CDC73: variants seen among roughly 807,000 people sequenced by gnomAD.
CDC73 encodes parafibromin.
A neutral mutation model predicts 83.7 loss-of-function variants in CDC73; 21 were observed. The observed-to-expected ratio is 0.25, with a 90% CI of 0.18 to 0.36. The LOEUF (loss-of-function observed/expected upper bound fraction) is 0.36. Ranked by LOEUF, CDC73 falls within the 10% of genes least tolerant of loss-of-function variation. The probability of loss-of-function intolerance (pLI) is 1.00; values close to 1 mark genes in which losing one functional copy is unlikely to be tolerated. For missense variants in CDC73, 342 were observed against 653.3 expected (o/e 0.52, Z 5.19); for synonymous variants, 224 against 212.9 (o/e 1.05, Z -0.45).
At position 193,251,859 on chromosome 1, in the gene CDC73, T is replaced by C. The variant is rs963675077; in HGVS notation, c.*1147T>C. ...ATTTCACTTTGTTTTTTTTTTTTCC[T>C]TAAAGGCAACTAGGAAGCTTTACTT... On this transcript the variant is annotated 3_prime_UTR_variant, in exon 17 of 17. Coordinates refer to ENST00000367435, the MANE Select transcript of CDC73 (RefSeq NM_024529.5). 12 of 231,288 alleles carry C rather than the reference T, an allele frequency of 5.2e-5. No individual in the cohort carries two copies. Among genetic ancestry groups the C allele is most frequent in the Middle Eastern group, 1.3e-3 (1 of 790 alleles). 14.3% of individuals were successfully genotyped at this position (231,288 alleles called of 1,614,324 possible).
At chr1:193,129,486 A>ATTT (rs1675651347) in intron 2 of CDC73, among the ~76,000 whole-genome samples, 1 of 57,914 alleles carries the variant, frequency 1.7e-5, no homozygotes, top group South Asian at 7.4e-4. Flanking sequence ...TTTCAAAAAG[A>ATTT]AATTTATTTA....
chr1:193,156,940 G>A (rs1175400831), intron 10 of CDC73, among the ~76,000 whole-genome samples: 2 of 152,116 alleles, frequency 1.3e-5, no homozygotes, highest in African/African-American at 2.4e-5. Context: ...TGATCTGATT[G>A]GGGAGGGACA....
At chr1:193,219,663 A>G (rs893368359) in intron 13 of CDC73, among the ~76,000 whole-genome samples, 2 of 152,182 alleles carry the variant, frequency 1.3e-5, no homozygotes, top group Non-Finnish European at 2.9e-5. Flanking sequence ...CACATGTTCT[A>G]CGTGGGAGCT....
At chr1:193,124,208 G>A (rs1463002620) in intron 1 of CDC73, among the ~76,000 whole-genome samples, 1 of 152,132 alleles carries the variant, frequency 6.6e-6, no homozygotes, top group Non-Finnish European at 1.5e-5. Flanking sequence ...TTTTCTATAT[G>A]TGCACATGCA....
intron 10 of CDC73, among the ~76,000 whole-genome samples, chr1:193,178,564 G>A (rs146554883): frequency 2.0e-4 from 31 of 152,202 alleles, no homozygotes; most frequent in African/African-American, 7.2e-4. Flanking sequence ...CTACACTGAG[G>A]GAAGGATTCC....
Position 193,250,750 on chromosome 1 carries a change from A to G in CDC73, c.*38A>G, listed in dbSNP as rs1241902010. ...CTCCATTTCTGGAAATTGAGACTCA[A>G]GCTTTATGAATTTATCAAGAACTTA... On this transcript the variant is annotated 3_prime_UTR_variant, in exon 17 of 17. Transcript: ENST00000367435. The G allele has an allele frequency of 2.8e-5, 43 of 1,545,432 alleles. No homozygotes were observed. Among genetic ancestry groups the G allele is most frequent in the Non-Finnish European group, 3.7e-5 (41 of 1,118,358 alleles).
chr1:193,181,633 C>T, intron 10 of CDC73: 2 of 1,319,500 alleles, frequency 1.5e-6, no homozygotes, highest in Non-Finnish European at 2.1e-6. Flanking sequence ...TAATACTATT[C>T]TTTGGCAATC....
chr1:193,233,201 A>G (rs960650484), intron 14 of CDC73, 47 bp downstream of exon 14: 1 of 1,520,916 alleles, frequency 6.6e-7, no homozygotes, highest in Non-Finnish European at 9.1e-7. Context: ...GTTGAACCCA[A>G]GAGAATGAAT....
chr1:193,177,662 T>TC (rs1275323107), intron 10 of CDC73, among the ~76,000 whole-genome samples: 1 of 152,166 alleles, frequency 6.6e-6, no homozygotes, highest in Non-Finnish European at 1.5e-5. Flanking sequence ...TTGTATGAGA[T>TC]CATGTATGTA....
At chr1:193,122,491 G>T (rs1675472479) in intron 1 of CDC73, 160 bp downstream of exon 1, 2 of 924,988 alleles carry the variant, frequency 2.2e-6, no homozygotes, top group Non-Finnish European at 3.3e-6. Flanking sequence ...TGCACTTTTA[G>T]GGTAAGGAAA....
intron 10 of CDC73, among the ~76,000 whole-genome samples, chr1:193,153,277 T>C (rs974416733): frequency 1.3e-5 from 2 of 152,238 alleles, no homozygotes; most frequent in African/African-American, 2.4e-5. Context: ...TTTAAATTTT[T>C]ATTTAATGAT....
intron 1 of CDC73, among the ~76,000 whole-genome samples, chr1:193,122,748 A>C (rs1322538267): frequency 6.6e-6 from 1 of 151,550 alleles, no homozygotes; most frequent in South Asian, 2.1e-4. Flanking sequence ...CTATGTAACT[A>C]TCTCCGCTGG....
intron 10 of CDC73, among the ~76,000 whole-genome samples, chr1:193,168,466 C>G (rs888843053): frequency 6.6e-6 from 1 of 151,420 alleles, no homozygotes; most frequent in Non-Finnish European, 1.5e-5. Flanking sequence ...ATTGTGCCAA[C>G]TGGCAGTGCT....
chr1:193,128,994 T>G (rs1168476697), intron 2 of CDC73, among the ~76,000 whole-genome samples: 1 of 125,256 alleles, frequency 8.0e-6, no homozygotes, highest in Non-Finnish European at 1.6e-5. Flanking sequence ...GCCCGGCTAA[T>G]TTTTTTTTTT....
chr1:193,228,663 A>G (rs1461847786), intron 13 of CDC73, among the ~76,000 whole-genome samples: 1 of 152,200 alleles, frequency 6.6e-6, no homozygotes, highest in African/African-American at 2.4e-5. Context: ...CACCATACAC[A>G]AACATTTTTT....
At chr1:193,124,735 T>C (rs557251551) in intron 1 of CDC73, among the ~76,000 whole-genome samples, 6 of 152,360 alleles carry the variant, frequency 3.9e-5, no homozygotes, top group African/African-American at 1.4e-4. Context: ...AAATTTCTTT[T>C]ACATTTAGCA....
intron 13 of CDC73, among the ~76,000 whole-genome samples, chr1:193,224,651 G>A (rs1002781899): frequency 8.6e-5 from 13 of 151,544 alleles, no homozygotes; most frequent in African/African-American, 1.7e-4. Context: ...GAAATCATTC[G>A]CATATACACA....
At chr1:193,157,321 C>CT (rs1414953657) in intron 10 of CDC73, among the ~76,000 whole-genome samples, 13 of 152,248 alleles carry the variant, frequency 8.5e-5, no homozygotes, top group Middle Eastern at 3.4e-3. Flanking sequence ...CGTTTATGAA[C>CT]AGTCAGGAAG....
At chr1:193,210,311 G>C (rs535110284) in intron 11 of CDC73, among the ~76,000 whole-genome samples, 1 of 152,286 alleles carries the variant, frequency 6.6e-6, no homozygotes, top group East Asian at 1.9e-4. Context: ...AACATTTTCT[G>C]AAAGTGTGTG....
Sources: allele counts gnomAD v4.1 joint callset (sites outside exome capture counted in the v4.1 genomes callset), GRCh38; gene constraint gnomAD v4.1.1; transcripts MANE v1.5; gene names NCBI Gene and HGNC (gene_info 2026-07-23, HGNC 2026-07-21).